Variants in MCU observed in about 807,000 individuals in gnomAD.
MCU encodes mitochondrial calcium uniporter, also known as calcium uniporter protein, mitochondrial.
Under a neutral mutation model 45.2 loss-of-function variants are expected in MCU, and 12 were observed. That is an observed-to-expected ratio of 0.27 (90% CI 0.17 to 0.43). The LOEUF is 0.43. Ranked by LOEUF, MCU falls within the 20% of genes least tolerant of loss-of-function variation. MCU has a pLI of 1.00. For missense variants in MCU, 324 were observed against 436.7 expected, an observed-to-expected ratio of 0.74 and a Z score of 2.30; for synonymous variants, 160 against 165.1, an observed-to-expected ratio of 0.97 and a Z score of 0.24.
chr10:72,723,346 A>C (rs561323374), intron 1 of MCU, among the ~76,000 whole-genome samples: 2 of 152,180 alleles, frequency 1.3e-5, no homozygotes. Flanking sequence ...TTTTTCTAAC[A>C]TATTCAGAAT....
chr10:72,821,009 T>C (rs1844704269), intron 1 of MCU, among the ~76,000 whole-genome samples: 1 of 152,104 alleles, frequency 6.6e-6, no homozygotes, highest in Non-Finnish European at 1.5e-5. Context: ...TTGAATGTTG[T>C]ACATACAATT....
At chr10:72,748,533 A>G (rs1843447456) in intron 1 of MCU, among the ~76,000 whole-genome samples, 1 of 152,122 alleles carries the variant, frequency 6.6e-6, no homozygotes, top group African/African-American at 2.4e-5. Flanking sequence ...AGGAGATATA[A>G]TGGCTGGGCG....
At chr10:72,854,220 T>G (rs975625523) in intron 2 of MCU, among the ~76,000 whole-genome samples, 8 of 151,988 alleles carry the variant, frequency 5.3e-5, no homozygotes, top group African/African-American at 1.7e-4. Context: ...GTGAGCCCAG[T>G]AGTTTGAGAC....
At chr10:72,807,245 A>G (rs1844466627) in intron 1 of MCU, among the ~76,000 whole-genome samples, 1 of 152,210 alleles carries the variant, frequency 6.6e-6, no homozygotes, top group Admixed American at 6.5e-5. Context: ...CATTGACAGT[A>G]ATTTAGTTAT....
intron 1 of MCU, among the ~76,000 whole-genome samples, chr10:72,778,908 A>C (rs754182967): frequency 6.6e-6 from 1 of 152,218 alleles, no homozygotes; most frequent in African/African-American, 2.4e-5. Flanking sequence ...CAGTAATGAA[A>C]ACAGTGTGGA....
chr10:72,808,409 A>G (rs910017033), intron 1 of MCU, among the ~76,000 whole-genome samples: 84 of 152,364 alleles, frequency 5.5e-4, no homozygotes, highest in African/African-American at 2.0e-3. Context: ...TTTTGACTCA[A>G]GAATGAAGTT....
intron 1 of MCU, among the ~76,000 whole-genome samples, chr10:72,777,708 A>C (rs1375532449): frequency 6.6e-6 from 1 of 152,210 alleles, no homozygotes; most frequent in Non-Finnish European, 1.5e-5. Flanking sequence ...AATTACATCA[A>C]GTTAAAAAGC....
chr10:72,795,266 C>T (rs1020152103), intron 1 of MCU, among the ~76,000 whole-genome samples: 1 of 152,186 alleles, frequency 6.6e-6, no homozygotes, highest in Admixed American at 6.5e-5. Context: ...TTTTCATCAT[C>T]ACCTTCCTCA....
intron 2 of MCU, among the ~76,000 whole-genome samples, chr10:72,856,011 A>G (rs1417923134): frequency 6.6e-6 from 1 of 152,238 alleles, no homozygotes; most frequent in Non-Finnish European, 1.5e-5. Context: ...CAACTGGATA[A>G]ACAAGTTGTG....
At chr10:72,816,465 A>C (rs1310319139) in intron 1 of MCU, among the ~76,000 whole-genome samples, 1 of 152,170 alleles carries the variant, frequency 6.6e-6, no homozygotes, top group Non-Finnish European at 1.5e-5. Flanking sequence ...TGTGCTTTTA[A>C]ATAGCCAACA....
chr10:72,793,864 C>G (rs1195368437), intron 1 of MCU, among the ~76,000 whole-genome samples: 1 of 152,152 alleles, frequency 6.6e-6, no homozygotes, highest in Non-Finnish European at 1.5e-5. Flanking sequence ...CAGGCCTACT[C>G]AGATTCAAGA....
intron 1 of MCU, among the ~76,000 whole-genome samples, chr10:72,784,601 A>G (rs187184932): frequency 6.6e-6 from 1 of 152,320 alleles, no homozygotes; most frequent in African/African-American, 2.4e-5. Flanking sequence ...TTGTCAGGAA[A>G]AGCCTTCTGT....
chr10:72,716,878 GA>G (rs1392739026), intron 1 of MCU, among the ~76,000 whole-genome samples: 4 of 152,168 alleles, frequency 2.6e-5, no homozygotes, highest in Admixed American at 2.6e-4. Context: ...GTTTCTTAAA[GA>G]AAGAAAGGAC....
rs1013459698 is a variant in MCU, at chr10:72,745,109, C to T, written c.150+52808C>T. ...AAAACCTATTTATAAACTCTCAAGGCTTATGGACAATTTAGATCAAAATAA... is the reference window on the plus strand; with the variant it reads ...AAAACCTATTTATAAACTCTCAAGGTTTATGGACAATTTAGATCAAAATAA... On this transcript the variant is annotated intron_variant, in intron 1 of 7. Coordinates refer to ENST00000373053, the MANE Select transcript of MCU (RefSeq NM_138357.3). Among the ~76,000 whole-genome samples, 8 of 152,134 alleles carry T rather than the reference C, an allele frequency of 5.3e-5. No homozygotes were observed. The East Asian group carries it at 1.5e-3, about 29-fold the overall frequency.
In MCU at chr10:72,860,432, G is replaced by C. The variant is rs757801517; in HGVS notation, c.401G>C (p.Arg134Pro). The change falls in exon 4 of 8, where the codon CGC becomes CCC. Residue 134 changes from arginine (R) to proline (P), a missense_variant. Transcript: ENST00000373053. ...RVAIYSPDGVRVAASTGIDLL... is the reference protein window; with the variant it reads ...RVAIYSPDGVPVAASTGIDLL... The stretch of plus-strand genomic sequence containing the variant: ...TTTGAAATTTTCACAGATGGTGTTC[G>C]CGTTGCTGCTTCAACAGGAATAGAC... The C allele has an allele frequency of 6.2e-7, 1 of 1,613,540 alleles. No individual in the cohort carries two copies.
rs1845748431 is a variant in MCU at position 72,884,360 on chromosome 10, A to G, written c.956A>G (p.Gln319Arg). ...KSRFDLEKYN[Q>R]LKDAIAQAEM... is the part of the protein sequence containing the mutation. Reference sequence around the variant, plus strand: ...CGTTTTGACCTAGAGAAATACAATCAACTCAAGGATGCAATTGCTCAGGTA... The same window carrying G: ...CGTTTTGACCTAGAGAAATACAATCGACTCAAGGATGCAATTGCTCAGGTA... Residue 319 changes from glutamine (Q) to arginine (R), a missense_variant, in exon 7 of 8, where the codon CAA becomes CGA. By Grantham distance (43) the Gln-to-Arg change is conservative. Around this residue, in one of 4 missense-constraint regions of MCU, gnomAD observed 76 missense variants for 99.4 expected, o/e 0.76. Coordinates refer to ENST00000373053, the MANE Select transcript of MCU (RefSeq NM_138357.3). 1.2e-6 allele frequency: 2 copies of G among 1,605,870 alleles called. No homozygotes were observed. Among genetic ancestry groups the G allele is most frequent in the Non-Finnish European group, 1.7e-6 (2 of 1,172,764 alleles).
At chr10:72,850,055 A>C (rs73288604) in intron 2 of MCU, among the ~76,000 whole-genome samples, 8,000 of 152,070 alleles carry the variant, frequency 0.053, 707 homozygotes, top group African/African-American at 0.18. Context: ...CTAGGATTAC[A>C]GGTGTCTGCC....
At chr10:72,759,377 A>G (rs1843622962) in intron 1 of MCU, among the ~76,000 whole-genome samples, 1 of 152,162 alleles carries the variant, frequency 6.6e-6, no homozygotes, top group African/African-American at 2.4e-5. Context: ...TCTGTAATCT[A>G]TAGATAACAT....
chr10:72,696,161 C>CAAAAA (rs58694098), intron 1 of MCU, among the ~76,000 whole-genome samples: 4 of 30,636 alleles, frequency 1.3e-4, no homozygotes, highest in African/African-American at 2.7e-4. Flanking sequence ...AACTCCGACT[C>CAAAAA]AAAAAAAAAA....
Sources: gnomAD v4.1 joint callset for allele counts (sites outside exome capture counted in the v4.1 genomes callset) on GRCh38, gnomAD v4.1.1 for gene constraint, gnomAD v4.1.1 regional missense constraint, MANE v1.5 for transcripts, NCBI Gene and HGNC (gene_info 2026-07-23, HGNC 2026-07-21) for gene names.